Variants in BCORL1 observed in about 807,000 individuals in gnomAD.
BCORL1 encodes the protein BCL6 corepressor like 1.
In BCORL1, 7 loss-of-function variants were observed where a neutral mutation model predicts 87.6. That is an observed-to-expected ratio of 0.08 (90% confidence interval 0.05 to 0.15). The LOEUF is 0.15. BCORL1 is among the 10% of genes least tolerant of loss of function. The pLI is 1.00. For synonymous variants in BCORL1, 591 were observed against 634.4 expected, an observed-to-expected ratio of 0.93 and a Z score of 1.03; for missense variants, 1,215 against 1,499.7, an observed-to-expected ratio of 0.81 and a Z score of 3.13.
intron 1 of BCORL1, among the ~76,000 whole-genome samples, chrX:129,988,947 A>G (rs1219932312): frequency 3.6e-5 from 4 of 111,434 alleles, no homozygotes; most frequent in African/African-American, 1.3e-4. Flanking sequence ...CCATGAGATG[A>G]TTATCTTCTG....
chrX:129,989,327 T>TA (rs1414583422), intron 1 of BCORL1, among the ~76,000 whole-genome samples: 1 of 98,572 alleles, frequency 1.0e-5, no homozygotes, highest in African/African-American at 3.7e-5. Flanking sequence ...TTTTTTTTTT[T>TA]AGTAGAGACG....
rs1929781270 is a variant in BCORL1, at chrX:130,021,214, A to T, written c.3607+64A>T. 2.6e-5 allele frequency: 30 copies of T among 1,136,752 alleles called. No individual in the cohort carries two copies. In the South Asian group the frequency reaches 6.3e-4, roughly 24 times the overall value. 93.7% of individuals were successfully genotyped at this position (1,136,752 alleles called of 1,213,427 possible). On this transcript the variant is annotated intron_variant, in intron 5 of 13. Coordinates refer to ENST00000540052, the MANE Select transcript of BCORL1 (RefSeq NM_001379451.1). ...GAGGGATCCCCAGGGCACAGTGGTG[A>T]GGGCAGAGGGGCTCAGGCGCTGACT...
intron 11 of BCORL1, among the ~76,000 whole-genome samples, chrX:130,043,776 ATATATATATTTT>A (rs1421125923): frequency 1.4e-4 from 3 of 21,433 alleles, no homozygotes; most frequent in African/African-American, 3.6e-4. Flanking sequence ...ATATATATAT[ATATATATATTTT>A]TTTTTTTTTT....
At chrX:129,982,991 A>G (rs1603049412) in intron 1 of BCORL1, among the ~76,000 whole-genome samples, 1 of 91,669 alleles carries the variant, frequency 1.1e-5, no homozygotes. Context: ...GCCTTTCTCC[A>G]ACCCTGTTCC....
intron 5 of BCORL1, among the ~76,000 whole-genome samples, chrX:130,022,505 C>T (rs1467138500): frequency 2.7e-5 from 3 of 110,336 alleles, no homozygotes; most frequent in Non-Finnish European, 5.7e-5. Flanking sequence ...ACCTCGGCCT[C>T]CCAAAGTGCT....
intron 9 of BCORL1, among the ~76,000 whole-genome samples, chrX:130,036,881 C>A (rs1050892923): frequency 1.8e-5 from 2 of 112,085 alleles, no homozygotes; most frequent in Admixed American, 9.4e-5. Context: ...TGCGGTGGCT[C>A]ACGCCTGTAA....
chrX:130,000,628 A>G (rs1927968287), intron 1 of BCORL1, among the ~76,000 whole-genome samples: 1 of 112,317 alleles, frequency 8.9e-6, no homozygotes. Flanking sequence ...GTCAAAAAGC[A>G]CAAATTTATA....
At chrX:130,043,749 TATATA>T (rs1569388265) in intron 11 of BCORL1, among the ~76,000 whole-genome samples, 249 of 13,516 alleles carry the variant, frequency 0.018, 30 homozygotes, top group African/African-American at 0.064. Context: ...TAATTTGTTA[TATATA>T]TATATATATA....
At chrX:130,027,869 C>T (rs1050251790) in intron 7 of BCORL1, among the ~76,000 whole-genome samples, 5 of 111,844 alleles carry the variant, frequency 4.5e-5, no homozygotes, top group Admixed American at 9.5e-5. Flanking sequence ...AACACACAGT[C>T]GCCCCTACAC....
rs903096082 is a variant in BCORL1, at chrX:130,056,341, T to C, written c.*205T>C. 1 of 393,403 alleles carries C rather than the reference T, an allele frequency of 2.5e-6. No homozygotes were observed. Among genetic ancestry groups the C allele is most frequent in the Non-Finnish European group, 4.2e-6 (1 of 239,692 alleles). 32.4% of individuals were successfully genotyped at this position (393,403 alleles called of 1,213,427 possible). On this transcript the variant is annotated 3_prime_UTR_variant, in exon 14 of 14. Transcript: ENST00000540052. ...GTTCTCATCTCCCTGTCGTCGTCATTGTTATCGTGGTTGCTGATGGGGGTG... is the reference window on the plus strand; with the variant it reads ...GTTCTCATCTCCCTGTCGTCGTCATCGTTATCGTGGTTGCTGATGGGGGTG...
chrX:130,039,185 C>T lies in BCORL1; in HGVS notation c.4743C>T (p.Leu1581=), dbSNP rs778638648. The T allele has an allele frequency of 1.5e-5, 18 of 1,211,510 alleles. No individual in the cohort carries two copies. In the Admixed American group the frequency reaches 3.0e-4, roughly 20 times the overall value. Residue 1581 remains leucine (L), a synonymous_variant, in exon 11 of 14, where the codon CTC becomes CTT. Transcript: ENST00000540052. ...ATGACAACCTGGAGACCATCTGGCT[C>T]CTGCTGTCCTATGGGGCCGATCCCA... is the stretch of plus-strand genomic sequence containing the variant. ...VVNDNLETIW[L]LLSYGADPTL...
chrX:130,005,835 G>A (rs1243824665), intron 2 of BCORL1, among the ~76,000 whole-genome samples: 9 of 107,508 alleles, frequency 8.4e-5, no homozygotes, highest in African/African-American at 2.7e-4. Flanking sequence ...CATGTGGCCC[G>A]GGCTGGTCTT....
chrX:130,007,421 G>A (rs886348979), intron 2 of BCORL1, among the ~76,000 whole-genome samples: 1 of 112,602 alleles, frequency 8.9e-6, no homozygotes, highest in Non-Finnish European at 1.9e-5. Flanking sequence ...AATGATTTGC[G>A]TAAGTATTCA....
chrX:130,018,761 G>T (rs1307862466), intron 4 of BCORL1, among the ~76,000 whole-genome samples: 1 of 112,402 alleles, frequency 8.9e-6, no homozygotes, highest in Non-Finnish European at 1.9e-5. Flanking sequence ...AAGATCAGGG[G>T]CCTGGAAGCA....
intron 11 of BCORL1, among the ~76,000 whole-genome samples, chrX:130,048,814 C>T: frequency 9.0e-6 from 1 of 111,420 alleles, no homozygotes; most frequent in Non-Finnish European, 1.9e-5. Flanking sequence ...TTAAGCATAC[C>T]CTCCCGCTCT....
In BCORL1 at chrX:130,013,525, C is replaced by T. The variant is rs1162592229; in HGVS notation, c.753C>T (p.Pro251=). 1.9e-5 allele frequency: 23 copies of T among 1,209,214 alleles called. No homozygotes were observed. Among genetic ancestry groups the T allele is most frequent in the Non-Finnish European group, 2.5e-5 (22 of 895,049 alleles). ...VATSVPAPSP[P]LAPVPALAPA... ...CTTCGGTTCCAGCTCCTTCCCCTCCCTTAGCACCTGTCCCGGCTCTGGCTC... is the reference window on the plus strand; with the variant it reads ...CTTCGGTTCCAGCTCCTTCCCCTCCTTTAGCACCTGTCCCGGCTCTGGCTC... Residue 251 remains proline, a synonymous_variant, in exon 4 of 14, where the codon CCC becomes CCT. Coordinates refer to ENST00000540052, the MANE Select transcript of BCORL1 (RefSeq NM_001379451.1).
intron 9 of BCORL1, among the ~76,000 whole-genome samples, chrX:130,035,607 A>G (rs1930889722): frequency 1.8e-5 from 2 of 112,105 alleles, no homozygotes; most frequent in African/African-American, 6.5e-5. Flanking sequence ...TGGGGAGCTG[A>G]CGTGACAGTG....
rs772346474 is a variant in BCORL1, at chrX:130,014,698, C to A, written c.1926C>A (p.Pro642=). The A allele has an allele frequency of 4.1e-6, 5 of 1,209,236 alleles. No homozygotes were observed. In the East Asian group the frequency reaches 1.5e-4, roughly 36 times the overall value. Reference sequence around the variant, plus strand: ...CATTGCCGAACCAGCGCAAGACACCCCCCATGCCTGTGTTGACCCCCGTGC... The same window carrying A: ...CATTGCCGAACCAGCGCAAGACACCACCCATGCCTGTGTTGACCCCCGTGC... ...KLPLPNQRKT[P]PMPVLTPVHT... Residue 642 remains proline, a synonymous_variant, in exon 4 of 14, where the codon CCC becomes CCA. Transcript: ENST00000540052.
intron 13 of BCORL1, among the ~76,000 whole-genome samples, chrX:130,054,978 ACT>A (rs1333535065): frequency 9.0e-6 from 1 of 111,300 alleles, no homozygotes; most frequent in Non-Finnish European, 1.9e-5. Flanking sequence ...CAGAAGAGTG[ACT>A]CTTGGCAAAG....
Sources: allele counts gnomAD v4.1 joint callset (sites outside exome capture counted in the v4.1 genomes callset), GRCh38; gene constraint gnomAD v4.1.1; transcripts MANE v1.5; gene names NCBI Gene and HGNC (gene_info 2026-07-23, HGNC 2026-07-21).